DEPDC1B: variants seen among roughly 807,000 people sequenced by gnomAD.
DEPDC1B encodes the protein DEP domain containing 1B.
A neutral mutation model predicts 66.5 loss-of-function variants in DEPDC1B; 51 were observed. The ratio of observed to expected loss-of-function variants is 0.77; its 90% confidence interval spans 0.61 to 0.97. The LOEUF (loss-of-function observed/expected upper bound fraction) is 0.97. Among genes scored for constraint, DEPDC1B ranks in the 50% least tolerant of loss-of-function variants. The pLI is 0.00. For missense variants in DEPDC1B, 552 were observed against 637.1 expected (o/e 0.87, Z 1.44); for synonymous variants, 226 against 223.6 (o/e 1.01, Z -0.10).
rs1754753759 is a variant in DEPDC1B at position 60,700,085 on chromosome 5, A to G, written c.9T>C (p.His3=). The G allele has an allele frequency of 1.3e-6, 2 of 1,556,812 alleles. No homozygotes were observed. Among genetic ancestry groups the G allele is most frequent in the African/African-American group, 1.4e-5 (1 of 73,284 alleles). The change falls in exon 1 of 11, where the codon CAT becomes CAC. Residue 3 remains histidine, a synonymous_variant. Transcript: ENST00000265036. ME[H]RIVGPGPYRA... is the part of the protein sequence containing the mutation. ...GGTACGGCCCGGGCCCCACGATGCG[A>G]TGCTCCATGGCGCGTAGGCAGCAGC...
chr5:60,618,263 C>T (rs922061917), intron 7 of DEPDC1B, among the ~76,000 whole-genome samples: 1 of 152,124 alleles, frequency 6.6e-6, no homozygotes, highest in Non-Finnish European at 1.5e-5. Flanking sequence ...CAAAAGCCAA[C>T]AGAAGGCAAG....
chr5:60,667,558 CAT>C (rs1453252598), intron 2 of DEPDC1B, among the ~76,000 whole-genome samples: 1 of 138,486 alleles, frequency 7.2e-6, no homozygotes, highest in African/African-American at 2.7e-5. Flanking sequence ...GGATATTTTA[CAT>C]ATATAAAAAA....
chr5:60,609,787 T>G (rs1752378632), intron 7 of DEPDC1B, among the ~76,000 whole-genome samples: 3 of 152,218 alleles, frequency 2.0e-5, no homozygotes, highest in Admixed American at 1.3e-4. Flanking sequence ...GAACACTTGT[T>G]CCAGGCTACC....
intron 2 of DEPDC1B, among the ~76,000 whole-genome samples, chr5:60,659,929 C>T (rs778241314): frequency 2.6e-5 from 4 of 152,136 alleles, no homozygotes; most frequent in Non-Finnish European, 4.4e-5. Context: ...TTGACATGGG[C>T]AGTTATGTGG....
At chr5:60,663,435 C>T (rs1015238065) in intron 2 of DEPDC1B, among the ~76,000 whole-genome samples, 3 of 152,170 alleles carry the variant, frequency 2.0e-5, no homozygotes, top group Non-Finnish European at 2.9e-5. Flanking sequence ...TCAATGAGGC[C>T]GTTGTCCCTC....
At chr5:60,605,961 T>G in intron 7 of DEPDC1B, 105 bp from the exon 8 acceptor site, 1 of 971,360 alleles carries the variant, frequency 1.0e-6, no homozygotes, top group South Asian at 2.1e-5. Context: ...ACATAAAATA[T>G]TTTCACATAT....
At chr5:60,683,376 G>A (rs1256800526) in intron 2 of DEPDC1B, among the ~76,000 whole-genome samples, 1 of 152,158 alleles carries the variant, frequency 6.6e-6, no homozygotes, top group Non-Finnish European at 1.5e-5. Flanking sequence ...AGGCTGCAGT[G>A]AGCCAAGATC....
intron 1 of DEPDC1B, among the ~76,000 whole-genome samples, chr5:60,697,357 G>A (rs377168927): frequency 2.0e-4 from 30 of 152,200 alleles, no homozygotes; most frequent in African/African-American, 7.0e-4. Flanking sequence ...AGAAAATAAA[G>A]GCCTAGTTTT....
At position 60,694,844 on chromosome 5, in the gene DEPDC1B, A is replaced by T. The variant is rs181059622; in HGVS notation, c.48+5202T>A. Among the ~76,000 whole-genome samples, 23 of 152,362 alleles carry T rather than the reference A, an allele frequency of 1.5e-4. No homozygotes were observed. The East Asian group carries it at 2.7e-3, about 18-fold the overall frequency. ...TATACCCATTTAATATGTACTGATG[A>T]ATATAGAATATTAAACCTTTTTGTT... On this transcript the variant is annotated intron_variant, in intron 1 of 10. Transcript: ENST00000265036.
intron 2 of DEPDC1B, among the ~76,000 whole-genome samples, chr5:60,677,334 T>A (rs879871922): frequency 0.089 from 12,086 of 136,326 alleles, 511 homozygotes; most frequent in African/African-American, 0.11. Flanking sequence ...ACACTCTCTC[T>A]CTCTCTCTCT....
rs185964472 is a variant in DEPDC1B at position 60,643,036 on chromosome 5, T to C, written c.710-177A>G. On this transcript the variant is annotated intron_variant, in intron 5 of 10. Transcript: ENST00000265036. ...GATGGAAACCTTTCCTTGTCAGCAG[T>C]GTTATAACATGCACTTACATAAATA... 2.2e-3 allele frequency among the ~76,000 whole-genome samples: 332 copies of C among 152,312 alleles called. 2 individuals are homozygous for C. Among genetic ancestry groups the C allele is most frequent in the African/African-American group, 7.7e-3 (320 of 41,576 alleles).
intron 7 of DEPDC1B, among the ~76,000 whole-genome samples, chr5:60,608,926 T>C (rs1267407367): frequency 2.0e-5 from 3 of 151,998 alleles, no homozygotes; most frequent in South Asian, 4.1e-4. Context: ...CTGGACAACA[T>C]AGCAAAATCC....
At chr5:60,606,988 T>C (rs1752324321) in intron 7 of DEPDC1B, among the ~76,000 whole-genome samples, 1 of 152,122 alleles carries the variant, frequency 6.6e-6, no homozygotes, top group Admixed American at 6.6e-5. Context: ...CCATCTACAA[T>C]ATACAAGAAC....
In DEPDC1B at chr5:60,597,623, A is replaced by C; in HGVS notation, c.*130T>G. 1 of 1,016,786 alleles carries C rather than the reference A, an allele frequency of 9.8e-7. No homozygotes were observed. Among genetic ancestry groups the C allele is most frequent in the Non-Finnish European group, 1.4e-6 (1 of 706,670 alleles). The allele number at this position is 1,016,786 out of a possible 1,614,324, so 63.0% of individuals were successfully genotyped here. A position where few individuals can be genotyped will look rare whatever the true frequency, so the allele number is the denominator to read the frequency against. ...CCAAACATTTTTAAAAACTAAGGCA[A>C]TCTTTATCTATATTTCAGTAGTCTT... On this transcript the variant is annotated 3_prime_UTR_variant, in exon 11 of 11. Coordinates refer to ENST00000265036, the MANE Select transcript of DEPDC1B (RefSeq NM_018369.3).
chr5:60,690,418 A>T (rs1754514986), intron 1 of DEPDC1B, among the ~76,000 whole-genome samples: 1 of 152,240 alleles, frequency 6.6e-6, no homozygotes, highest in Non-Finnish European at 1.5e-5. Flanking sequence ...GAAAAGCTAA[A>T]TGAATATACA....
At chr5:60,667,583 C>CAT (rs1451435021) in intron 2 of DEPDC1B, among the ~76,000 whole-genome samples, 5 of 131,502 alleles carry the variant, frequency 3.8e-5, no homozygotes, top group African/African-American at 6.0e-5. Context: ...GGATATTTTA[C>CAT]ATATATAAAA....
intron 7 of DEPDC1B, among the ~76,000 whole-genome samples, chr5:60,622,358 T>C (rs143894398): frequency 1.3e-5 from 2 of 152,306 alleles, no homozygotes; most frequent in African/African-American, 4.8e-5. Context: ...TTTTTGAGAT[T>C]CATTTATATT....
chr5:60,617,307 T>C (rs1363171887), intron 7 of DEPDC1B, among the ~76,000 whole-genome samples: 1 of 152,166 alleles, frequency 6.6e-6, no homozygotes, highest in Non-Finnish European at 1.5e-5. Flanking sequence ...TAAATGTAAA[T>C]GGGCTAAATG....
intron 7 of DEPDC1B, among the ~76,000 whole-genome samples, chr5:60,618,988 G>A (rs1239834759): frequency 3.3e-5 from 5 of 152,096 alleles, no homozygotes; most frequent in Non-Finnish European, 5.9e-5. Context: ...TTCAACATAT[G>A]AAAATCAATA....
Sources: allele counts gnomAD v4.1 joint callset (sites outside exome capture counted in the v4.1 genomes callset), GRCh38; gene constraint gnomAD v4.1.1; transcripts MANE v1.5; gene names NCBI Gene and HGNC (gene_info 2026-07-23, HGNC 2026-07-21).